KCNMA1: variants seen among roughly 807,000 people sequenced by gnomAD.
The protein encoded by KCNMA1 is potassium calcium-activated channel subfamily M alpha 1, also known as Calcium-activated potassium channel subunit alpha-1.
In KCNMA1, 29 loss-of-function variants were observed where a neutral mutation model predicts 140.0. The observed-to-expected ratio is 0.21, with a 90% CI of 0.15 to 0.28. KCNMA1 has a LOEUF of 0.28. Ranked by LOEUF, KCNMA1 falls within the 10% of genes least tolerant of loss-of-function variation. The pLI, the probability that KCNMA1 is intolerant of heterozygous loss-of-function variation, is 1.00. For synonymous variants in KCNMA1, 612 were observed against 611.9 expected, an observed-to-expected ratio of 1.00 and a Z score of 0.00; for missense variants, 880 against 1,602.2, an observed-to-expected ratio of 0.55 and a Z score of 7.70.
rs568381728 is a variant in KCNMA1 at position 77,450,865 on chromosome 10, CA to C, written c.379-46843del. The stretch of plus-strand genomic sequence containing the variant: ...CCATGTGTTGTAGGAGGGACCCAGT[CA>C]GGGGTAACAGAATGATGGGGGCATG... On this transcript the variant is annotated intron_variant, in intron 1 of 27. Transcript: ENST00000286628. Among the ~76,000 whole-genome samples the C allele has an allele frequency of 2.4e-3, 361 of 152,314 alleles. 7 individuals are homozygous for C. The highest frequency in any genetic ancestry group is 0.018 in the Admixed American group (278 of 15,298).
At chr10:76,990,226 C>T (rs1160933355) in intron 19 of KCNMA1, among the ~76,000 whole-genome samples, 1 of 152,194 alleles carries the variant, frequency 6.6e-6, no homozygotes, top group African/African-American at 2.4e-5. Context: ...ACACATAAGA[C>T]ATTACTCTTA....
At position 76,900,896 on chromosome 10, in the gene KCNMA1, TAA is replaced by T. The variant is rs5786248; in HGVS notation, c.3147+9068_3147+9069del. On this transcript the variant is annotated intron_variant, in intron 25 of 27. Transcript: ENST00000286628. ...GAAATTTTAAAATGTCCCTATTTGT[TAA>T]AAAAAAAAAAAACCCAGTACATTTG... Among the ~76,000 whole-genome samples the T allele has an allele frequency of 3.6e-3, 532 of 146,118 alleles. 3 individuals are homozygous for T. The highest frequency in any genetic ancestry group is 3.6e-3 in the Middle Eastern group (1 of 278).
chr10:77,620,280 G>T (rs891655749), intron 1 of KCNMA1, among the ~76,000 whole-genome samples: 13 of 152,158 alleles, frequency 8.5e-5, no homozygotes, highest in South Asian at 2.1e-4. Context: ...TGGCCGCCAG[G>T]CCTGGTAAGG....
intron 5 of KCNMA1, among the ~76,000 whole-genome samples, chr10:77,138,909 C>A (rs1395966007): frequency 6.6e-6 from 1 of 152,186 alleles, no homozygotes; most frequent in Non-Finnish European, 1.5e-5. Flanking sequence ...GATCTGGAGC[C>A]CAGTCCTTCG....
intron 5 of KCNMA1, among the ~76,000 whole-genome samples, chr10:77,154,943 T>G (rs79192864): frequency 0.037 from 5,643 of 152,248 alleles, 321 homozygotes; most frequent in African/African-American, 0.13. Flanking sequence ...GCCTTTCTAA[T>G]GAGGTGATAG....
chr10:77,539,884 A>T (rs2059789916), intron 1 of KCNMA1, among the ~76,000 whole-genome samples: 1 of 152,134 alleles, frequency 6.6e-6, no homozygotes, highest in Non-Finnish European at 1.5e-5. Flanking sequence ...TAAAAAAATA[A>T]CCAGCTAAAG....
At chr10:77,581,600 C>G (rs901539524) in intron 1 of KCNMA1, among the ~76,000 whole-genome samples, 2 of 152,240 alleles carry the variant, frequency 1.3e-5, no homozygotes, top group Admixed American at 1.3e-4. Context: ...CCACCACACC[C>G]AGCCCCAATT....
chr10:77,307,685 T>C (rs1351126433), intron 2 of KCNMA1, among the ~76,000 whole-genome samples: 2 of 152,160 alleles, frequency 1.3e-5, no homozygotes, highest in Admixed American at 6.5e-5. Flanking sequence ...TAGCTGGGAC[T>C]ACAGGCGCGC....
intron 1 of KCNMA1, among the ~76,000 whole-genome samples, chr10:77,447,972 G>A (rs1300279280): frequency 6.6e-6 from 1 of 152,160 alleles, no homozygotes; most frequent in East Asian, 1.9e-4. Flanking sequence ...TAAATAGCAG[G>A]GTTTACGGTG....
intron 2 of KCNMA1, among the ~76,000 whole-genome samples, chr10:77,268,050 T>C (rs2063899250): frequency 6.6e-6 from 1 of 152,162 alleles, no homozygotes; most frequent in African/African-American, 2.4e-5. Flanking sequence ...TAAGAGCACC[T>C]CCTTTCCACT....
At chr10:77,356,023 TTACGTAAAATTAA>T (rs2093450092) in intron 2 of KCNMA1, among the ~76,000 whole-genome samples, 1 of 152,168 alleles carries the variant, frequency 6.6e-6, no homozygotes, top group South Asian at 2.1e-4. Context: ...TAGACTACAT[TTACGTAAAATTAA>T]TCACTTCCTT....
chr10:77,141,832 G>A lies in KCNMA1; in HGVS notation c.809-20784C>T. Among the ~76,000 whole-genome samples, 3 of 152,294 alleles carry A rather than the reference G, an allele frequency of 2.0e-5. No homozygotes were observed. In the Middle Eastern group the frequency reaches 0.01, roughly 518 times the overall value. On this transcript the variant is annotated intron_variant, in intron 5 of 27. Transcript: ENST00000286628. ...CCTATTTTTTCAGACCTCTAGCAAG[G>A]CTAAAATTATTGGTAGAATTTTCAA...
intron 5 of KCNMA1, among the ~76,000 whole-genome samples, chr10:77,164,015 C>A (rs558828): frequency 0.026 from 3,937 of 152,286 alleles, 309 homozygotes; most frequent in East Asian, 0.25. Context: ...CCCCAGGCCC[C>A]AGTTTTCTCA....
chr10:77,293,783 A>G (rs764863629), intron 2 of KCNMA1, among the ~76,000 whole-genome samples: 17 of 152,268 alleles, frequency 1.1e-4, no homozygotes, highest in Non-Finnish European at 2.4e-4. Flanking sequence ...GCTGAGGGAA[A>G]GAAGGAAATA....
chr10:77,510,169 G>T (rs1478837182), intron 1 of KCNMA1, among the ~76,000 whole-genome samples: 1 of 152,014 alleles, frequency 6.6e-6, no homozygotes, highest in Non-Finnish European at 1.5e-5. Flanking sequence ...TCAGTGATAA[G>T]ATAAGCAATG....
At chr10:77,492,621 A>G (rs1175357747) in intron 1 of KCNMA1, among the ~76,000 whole-genome samples, 3 of 152,244 alleles carry the variant, frequency 2.0e-5, no homozygotes, top group African/African-American at 7.2e-5. Context: ...AAGCAAGACT[A>G]CAGATGCAAG....
intron 1 of KCNMA1, among the ~76,000 whole-genome samples, chr10:77,558,670 C>T (rs902825617): frequency 1.3e-5 from 2 of 152,134 alleles, no homozygotes; most frequent in Non-Finnish European, 2.9e-5. Context: ...CCAGTCCCTG[C>T]CCCCAAGAAA....
chr10:77,269,106 C>A (rs1279154698), intron 2 of KCNMA1, among the ~76,000 whole-genome samples: 1 of 152,202 alleles, frequency 6.6e-6, no homozygotes, highest in Non-Finnish European at 1.5e-5. Flanking sequence ...TCCTTGTCTT[C>A]ATTTCAGGGG....
intron 1 of KCNMA1, among the ~76,000 whole-genome samples, chr10:77,561,101 A>G (rs1603636572): frequency 6.8e-6 from 1 of 147,282 alleles, no homozygotes; most frequent in Non-Finnish European, 1.5e-5. Context: ...CAGATGAGAA[A>G]CTAACTAGAA....
Sources: allele counts gnomAD v4.1 joint callset (sites outside exome capture counted in the v4.1 genomes callset), GRCh38; gene constraint gnomAD v4.1.1; transcripts MANE v1.5; gene names NCBI Gene and HGNC (gene_info 2026-07-23, HGNC 2026-07-21).